RANBP2: variants seen among roughly 807,000 people sequenced by gnomAD.
RANBP2 encodes the protein RAN binding protein 2, also known as E3 SUMO-protein ligase RanBP2.
Under a neutral mutation model 303.6 loss-of-function variants are expected in RANBP2, and 57 were observed. That is an observed-to-expected ratio of 0.19 (90% CI 0.15 to 0.23). The LOEUF is 0.23. RANBP2 is among the 10% of genes least tolerant of loss of function. RANBP2 has a pLI of 1.00. For synonymous variants in RANBP2, 1,167 were observed against 1,301.5 expected (o/e 0.90, Z 2.23); for missense variants, 3,138 against 3,780.8 (o/e 0.83, Z 4.46).
chr2:109,253,280 A>G, the RANBP2 span, among the ~76,000 whole-genome samples: 4 of 152,154 alleles, frequency 2.6e-5, no homozygotes, highest in African/African-American at 4.8e-5. Context: ...CAGCCTCCCA[A>G]AGTGCTGGGA....
the RANBP2 span, among the ~76,000 whole-genome samples, chr2:109,479,566 G>A: frequency 1.3e-5 from 2 of 152,178 alleles, no homozygotes; most frequent in African/African-American, 4.8e-5. Flanking sequence ...CATGGGCAGA[G>A]GAAGCAGCAG....
chr2:109,667,867 AT>A, the RANBP2 span: 1 of 164,014 alleles, frequency 6.1e-6, no homozygotes, highest in Non-Finnish European at 1.3e-5. Context: ...AATAAAGAGC[AT>A]TTTAAAGCAC....
the RANBP2 span, among the ~76,000 whole-genome samples, chr2:109,405,115 A>G: frequency 6.7e-6 from 1 of 149,008 alleles, no homozygotes; most frequent in Non-Finnish European, 1.5e-5. Context: ...CACCCTCTCC[A>G]GAACCCCAGC....
At chr2:109,220,059 T>C in the RANBP2 span, among the ~76,000 whole-genome samples, 7 of 152,228 alleles carry the variant, frequency 4.6e-5, no homozygotes, top group East Asian at 1.9e-4. Context: ...AACTATGTTA[T>C]TAGCATAAGG....
At chr2:109,538,818 C>CT in the RANBP2 span, among the ~76,000 whole-genome samples, 4 of 152,222 alleles carry the variant, frequency 2.6e-5, no homozygotes, top group Non-Finnish European at 4.4e-5. Flanking sequence ...CACAGCTGGC[C>CT]TGCATTGTCT....
chr2:108,851,308 T>G, the RANBP2 span, among the ~76,000 whole-genome samples: 1 of 152,052 alleles, frequency 6.6e-6, no homozygotes, highest in East Asian at 1.9e-4. Flanking sequence ...GTTGTTTGTT[T>G]GTTTGTTTTT....
At chr2:109,501,619 A>G in the RANBP2 span, 1 of 778,724 alleles carries the variant, frequency 1.3e-6, no homozygotes, top group Non-Finnish European at 2.4e-6. Context: ...GGGACCCTGC[A>G]GCGGAACGGC....
chr2:109,015,811 T>G, the RANBP2 span, among the ~76,000 whole-genome samples: 6 of 152,134 alleles, frequency 3.9e-5, no homozygotes, highest in African/African-American at 1.4e-4. Context: ...ATAATACATA[T>G]AACATATAAA....
At chr2:109,087,925 C>T in the RANBP2 span, among the ~76,000 whole-genome samples, 1 of 152,188 alleles carries the variant, frequency 6.6e-6, no homozygotes, top group African/African-American at 2.4e-5. Context: ...TGAATTCCGG[C>T]TCCCCCATTG....
chr2:108,720,092 G>T (rs1694111683), intron 1 of RANBP2: 3 of 984,584 alleles, frequency 3.0e-6, no homozygotes, highest in African/African-American at 1.8e-5. Context: ...TGCGGCGGAG[G>T]TCGTACCTCC....
the RANBP2 span, among the ~76,000 whole-genome samples, chr2:109,192,317 A>T: frequency 6.6e-6 from 1 of 152,224 alleles, no homozygotes; most frequent in Non-Finnish European, 1.5e-5. Context: ...AGATGCTTGG[A>T]TACAAAAAGC....
At chr2:109,679,710 G>A in the RANBP2 span, among the ~76,000 whole-genome samples, 2 of 152,000 alleles carry the variant, frequency 1.3e-5, no homozygotes, top group Non-Finnish European at 1.5e-5. Flanking sequence ...CAATTCCCAG[G>A]GCATCTTGTT....
chr2:108,756,225 T>C (rs1447796592), intron 17 of RANBP2, among the ~76,000 whole-genome samples: 7 of 152,246 alleles, frequency 4.6e-5, no homozygotes, highest in Admixed American at 6.5e-5. Context: ...GGATTACATG[T>C]GTTTCAAATG....
At chr2:109,306,926 A>T in the RANBP2 span, among the ~76,000 whole-genome samples, 1 of 152,166 alleles carries the variant, frequency 6.6e-6, no homozygotes, top group Non-Finnish European at 1.5e-5. Flanking sequence ...GCCCGTGTGG[A>T]TGGCTGATGG....
chr2:109,147,864 C>T, the RANBP2 span, among the ~76,000 whole-genome samples: 1 of 152,188 alleles, frequency 6.6e-6, no homozygotes, highest in Non-Finnish European at 1.5e-5. Flanking sequence ...TCCATATATA[C>T]ATATAAAGTT....
chr2:108,770,648 T>C (rs1411187392), intron 20 of RANBP2, among the ~76,000 whole-genome samples: 3 of 152,004 alleles, frequency 2.0e-5, no homozygotes, highest in African/African-American at 7.3e-5. Context: ...AAATAAATTT[T>C]CTAGTAGCCA....
chr2:108,765,823 C>G lies in RANBP2; in HGVS notation c.5284C>G (p.Pro1762Ala). 6.2e-7 allele frequency: 1 copy of G among 1,614,050 alleles called. No individual in the cohort carries two copies. The highest frequency in any genetic ancestry group is 8.5e-7 in the Non-Finnish European group (1 of 1,179,984). Residue 1762 changes from proline to alanine, a missense_variant, in exon 20 of 29, where the codon CCT becomes GCT. This residue lies in a region of RANBP2 where 348 missense variants were observed against 360.4 expected (regional missense o/e 0.97). Transcript: ENST00000283195. ...AAATCAAACAACTGCAATTTCAACA[C>G]CTGCCTCTTCGGAGATAAGCAAGGC... ...KQNQTTAIST[P>A]ASSEISKAPK...
the RANBP2 span, among the ~76,000 whole-genome samples, chr2:109,312,566 C>T: frequency 0.31 from 47,421 of 151,196 alleles, 9,171 homozygotes; most frequent in African/African-American, 0.55. Flanking sequence ...CCACCACAAC[C>T]TGCTTTCTTT....
the RANBP2 span, among the ~76,000 whole-genome samples, chr2:109,407,101 T>C: frequency 6.6e-6 from 1 of 152,226 alleles, no homozygotes; most frequent in Non-Finnish European, 1.5e-5. Flanking sequence ...GTCCTGCCTC[T>C]GGGCAGGGGC....
Sources: allele counts gnomAD v4.1 joint callset (sites outside exome capture counted in the v4.1 genomes callset), GRCh38; gene constraint gnomAD v4.1.1; regional missense constraint gnomAD v4.1.1; transcripts MANE v1.5; gene names NCBI Gene and HGNC (gene_info 2026-07-23, HGNC 2026-07-21).